SLC25A51: variants seen among roughly 807,000 people sequenced by gnomAD.
SLC25A51 encodes mitochondrial nicotinamide adenine dinucleotide transporter SLC25A51.
In SLC25A51, 11 loss-of-function variants were observed where a neutral mutation model predicts 19.1. The ratio of observed to expected loss-of-function variants is 0.58; its 90% CI spans 0.36 to 0.96. SLC25A51 has a LOEUF of 0.96. Ranked by LOEUF, SLC25A51 falls within the 40% of genes least tolerant of loss-of-function variation. The pLI is 0.01. For missense variants in SLC25A51, 201 were observed against 365.4 expected, an observed-to-expected ratio of 0.55 and a Z score of 3.67; for synonymous variants, 105 against 133.6, an observed-to-expected ratio of 0.79 and a Z score of 1.47.
intron 1 of SLC25A51, among the ~76,000 whole-genome samples, chr9:37,903,014 G>A (rs1239939729): frequency 6.6e-6 from 1 of 152,154 alleles, no homozygotes; most frequent in Non-Finnish European, 1.5e-5. Flanking sequence ...TAAAGACAAA[G>A]CAATATCTGA....
downstream of SLC25A51, among the ~76,000 whole-genome samples, chr9:37,884,803 C>G (rs1299147387): frequency 2.0e-5 from 3 of 152,138 alleles, no homozygotes; most frequent in African/African-American, 7.2e-5. Context: ...TAACAAGATT[C>G]AAGTCCCTTC....
At chr9:37,882,855 T>A (rs1199379256), downstream of SLC25A51, among the ~76,000 whole-genome samples, 1 of 152,244 alleles carries the variant, frequency 6.6e-6, no homozygotes, top group African/African-American at 2.4e-5. Flanking sequence ...TTTCAATTTT[T>A]TTTTTTGAGA....
At chr9:37,883,513 A>G (rs749168705), downstream of SLC25A51, among the ~76,000 whole-genome samples, 3 of 152,256 alleles carry the variant, frequency 2.0e-5, no homozygotes, top group Non-Finnish European at 4.4e-5. Context: ...TTTAGAACTC[A>G]GATTTCTACC....
chr9:37,882,700 C>T (rs1328624295), downstream of SLC25A51, among the ~76,000 whole-genome samples: 5 of 152,284 alleles, frequency 3.3e-5, no homozygotes, highest in East Asian at 1.9e-4. Context: ...GTGTTCAATA[C>T]GGAATCCATA....
chr9:37,894,934 C>T (rs1297345384), intron 2 of SLC25A51, among the ~76,000 whole-genome samples: 3 of 152,170 alleles, frequency 2.0e-5, no homozygotes, highest in Non-Finnish European at 4.4e-5. Context: ...ATCCATGTTC[C>T]AGCAAAGGGC....
chr9:37,892,740 A>AT (rs112309179), intron 2 of SLC25A51, among the ~76,000 whole-genome samples: 3,111 of 141,692 alleles, frequency 0.022, 53 homozygotes, highest in African/African-American at 0.045. Flanking sequence ...CACCTGGTTA[A>AT]TTTTTTTTTT....
chr9:37,887,649 T>A lies in SLC25A51; in HGVS notation c.*8A>T, dbSNP rs777100692. On this transcript the variant is annotated 3_prime_UTR_variant, in exon 3 of 3. Transcript: ENST00000242275. ...CAGTTGATAAATGGCACTTAACTGA[T>A]GGTTTTTTCATATAACCTTTAACAA... 6.2e-7 allele frequency: 1 copy of A among 1,602,142 alleles called. No homozygotes were observed. Among genetic ancestry groups the A allele is most frequent in the East Asian group, 2.2e-5 (1 of 44,768 alleles).
intron 2 of SLC25A51, among the ~76,000 whole-genome samples, chr9:37,889,123 G>A (rs536086004): frequency 2.0e-5 from 3 of 152,266 alleles, no homozygotes; most frequent in Non-Finnish European, 4.4e-5. Context: ...CTGTAAAGGA[G>A]TCCTAACACC....
At chr9:37,886,016 T>C (rs773338448), downstream of SLC25A51, 1 of 1,613,732 alleles carries the variant, frequency 6.2e-7, no homozygotes, top group Non-Finnish European at 8.5e-7. Flanking sequence ...CTGCCAATCA[T>C]TTGCCCCTAT....
downstream of SLC25A51, among the ~76,000 whole-genome samples, chr9:37,883,220 C>T (rs1488088957): frequency 1.3e-5 from 2 of 152,242 alleles, no homozygotes; most frequent in South Asian, 2.1e-4. Flanking sequence ...ATTAACAACA[C>T]ATTTTGACTT....
intron 2 of SLC25A51, among the ~76,000 whole-genome samples, chr9:37,897,285 G>C (rs1831738820): frequency 6.6e-6 from 1 of 151,602 alleles, no homozygotes; most frequent in African/African-American, 2.4e-5. Flanking sequence ...CAACTTCTGG[G>C]CTCAAGTGAT....
At chr9:37,885,278 T>C (rs762314345), downstream of SLC25A51, among the ~76,000 whole-genome samples, 1 of 145,770 alleles carries the variant, frequency 6.9e-6, no homozygotes, top group African/African-American at 2.6e-5. Context: ...TTAGGTTCCC[T>C]GTCAAAGGCC....
At chr9:37,901,273 G>A (rs10119407) in intron 1 of SLC25A51, among the ~76,000 whole-genome samples, 24,257 of 152,010 alleles carry the variant, frequency 0.16, 2,135 homozygotes, top group African/African-American at 0.22. Context: ...GGGTTCAAGC[G>A]ATTCTCCTGC....
At position 37,888,270 on chromosome 9, in the gene SLC25A51, G is replaced by A. The variant is rs757812431; in HGVS notation, c.281C>T (p.Thr94Met). ...ATACAGACCAAACATAAGTGCAAGC[G>A]TAGTTGTCTTCTGCATCAATGGGGG... ...ILPPLMQKTT[T>M]LALMFGLYED... The change falls in exon 3 of 3, where the codon ACG (threonine) becomes ATG (methionine). Residue 94 changes from threonine to methionine, a missense_variant. By Grantham distance (81) the Thr-to-Met change is moderately conservative (BLOSUM62 -1). Transcript: ENST00000242275. 1.2e-5 allele frequency: 20 copies of A among 1,614,090 alleles called. No individual in the cohort carries two copies. Among genetic ancestry groups the A allele is most frequent in the African/African-American group, 8.0e-5 (6 of 74,932 alleles).
At chr9:37,877,678 C>T (rs1267530504), downstream of SLC25A51, among the ~76,000 whole-genome samples, 2 of 151,234 alleles carry the variant, frequency 1.3e-5, no homozygotes, top group African/African-American at 2.4e-5. Context: ...AGATTGCAGG[C>T]GTGAGCCACT....
At chr9:37,886,349 C>T, downstream of SLC25A51, 1 of 1,612,870 alleles carries the variant, frequency 6.2e-7, no homozygotes, top group Non-Finnish European at 8.5e-7. Context: ...GGCTTCAACC[C>T]CCACCACAGT....
chr9:37,882,321 C>G (rs1324517120), intron 2 of SLC25A51, among the ~76,000 whole-genome samples: 1 of 152,182 alleles, frequency 6.6e-6, no homozygotes, highest in Non-Finnish European at 1.5e-5. Flanking sequence ...TACACTGAAC[C>G]AGTGTTCGTT....
downstream of SLC25A51, among the ~76,000 whole-genome samples, chr9:37,882,657 G>C (rs185487303): frequency 2.1e-4 from 32 of 152,208 alleles, no homozygotes; most frequent in African/African-American, 7.7e-4. Context: ...TTTACTCTGT[G>C]GTGCAGTCCT....
At chr9:37,886,329 A>G, downstream of SLC25A51, 1 of 1,613,986 alleles carries the variant, frequency 6.2e-7, no homozygotes. Flanking sequence ...ATCCCTGAGG[A>G]GCAGCCTGTG....
Sources: allele counts gnomAD v4.1 joint callset (sites outside exome capture counted in the v4.1 genomes callset), GRCh38; gene constraint gnomAD v4.1.1; transcripts MANE v1.5; gene names NCBI Gene and HGNC (gene_info 2026-07-23, HGNC 2026-07-21).